Variants in ATP6V1G1 observed in about 807,000 individuals in gnomAD.
The protein encoded by ATP6V1G1 is V-type proton ATPase subunit G 1.
In ATP6V1G1, 14 loss-of-function variants were observed where a neutral mutation model predicts 14.2. The ratio of observed to expected loss-of-function variants is 0.99; its 90% CI spans 0.65 to 1.55. The LOEUF is 1.55. Among genes scored for constraint, ATP6V1G1 ranks in the 40% most tolerant of loss-of-function variants. The pLI is 0.00. For missense variants in ATP6V1G1, 137 were observed against 146.4 expected (o/e 0.94, Z 0.33); for synonymous variants, 65 against 53.3 (o/e 1.22, Z -0.96).
chr9:114,587,946 G>C lies in ATP6V1G1; in HGVS notation c.82+26G>C, dbSNP rs762275260. ...GTGAGTTTCAGGGTGGGGCTGCCCG[G>C]CGTGGCGCGAGTCGAAGAAAGACCG... On this transcript the variant is annotated intron_variant, in intron 1 of 2. Transcript: ENST00000374050. 3.9e-6 allele frequency: 6 copies of C among 1,555,920 alleles called. No homozygotes were observed. The East Asian group carries it at 1.4e-4, about 37-fold the overall frequency.
At chr9:114,592,442 G>C in intron 1 of ATP6V1G1, 110 bp from the exon 2 acceptor site, 1 of 1,081,238 alleles carries the variant, frequency 9.2e-7, no homozygotes, top group Non-Finnish European at 1.3e-6. Flanking sequence ...ACATCTCTTC[G>C]GACTGTGTCA....
At chr9:114,595,642 A>G (rs1027659299) in intron 2 of ATP6V1G1, among the ~76,000 whole-genome samples, 2 of 152,148 alleles carry the variant, frequency 1.3e-5, no homozygotes, top group Non-Finnish European at 2.9e-5. Flanking sequence ...CAACAGAGTG[A>G]GACTCCATCT....
At chr9:114,592,069 T>C (rs1225288479) in intron 1 of ATP6V1G1, among the ~76,000 whole-genome samples, 1 of 152,222 alleles carries the variant, frequency 6.6e-6, no homozygotes, top group Admixed American at 6.5e-5. Flanking sequence ...CTGCTTTTAG[T>C]TTCCAGTGTT....
chr9:114,591,819 T>TA (rs1015079512), intron 1 of ATP6V1G1, among the ~76,000 whole-genome samples: 1 of 152,088 alleles, frequency 6.6e-6, no homozygotes, highest in Non-Finnish European at 1.5e-5. Flanking sequence ...TTTTTTTTTT[T>TA]ATTGGTGAGC....
intron 1 of ATP6V1G1, among the ~76,000 whole-genome samples, chr9:114,588,426 C>T (rs1564273321): frequency 6.7e-6 from 1 of 150,192 alleles, no homozygotes; most frequent in East Asian, 2.1e-4. Flanking sequence ...CTGTAGTTGT[C>T]TAAATCGTTG....
In ATP6V1G1 at chr9:114,592,533, C is replaced by A. The variant is rs1280830669; in HGVS notation, c.83-19C>A. On this transcript the variant is annotated intron_variant, in intron 1 of 2. Transcript: ENST00000374050. ...TACTTTTAACCACTTCCTGATATAG[C>A]TCTCTCCTTTGAAAACAGGAAAGAA... The A allele has an allele frequency of 6.4e-6, 10 of 1,551,858 alleles. No individual in the cohort carries two copies. The highest frequency in any genetic ancestry group is 8.7e-6 in the Non-Finnish European group (10 of 1,147,912).
intron 1 of ATP6V1G1, among the ~76,000 whole-genome samples, 175 bp from the exon 2 acceptor site, chr9:114,592,377 A>G (rs977173876): frequency 6.6e-6 from 1 of 152,114 alleles, no homozygotes; most frequent in Non-Finnish European, 1.5e-5. Context: ...AGTACAGCCT[A>G]TAGGAGGGAG....
At chr9:114,591,508 C>T (rs1014070848) in intron 1 of ATP6V1G1, among the ~76,000 whole-genome samples, 1 of 152,134 alleles carries the variant, frequency 6.6e-6, no homozygotes, top group Non-Finnish European at 1.5e-5. Flanking sequence ...AGTAGTAGGC[C>T]AGAAATAATA....
chr9:114,587,955 GA>G (rs1845140599), intron 1 of ATP6V1G1, 35 bp downstream of exon 1: 2 of 1,552,728 alleles, frequency 1.3e-6, no homozygotes, highest in Admixed American at 2.0e-5. Flanking sequence ...GGCGTGGCGC[GA>G]GTCGAAGAAA....
At chr9:114,592,739 A>G in intron 2 of ATP6V1G1, 87 bp downstream of exon 2, 3 of 1,379,200 alleles carry the variant, frequency 2.2e-6, no homozygotes, top group Non-Finnish European at 3.0e-6. Context: ...TAGCTCAGAG[A>G]TCCTGGTCGA....
At chr9:114,591,165 C>T (rs1033385477) in intron 1 of ATP6V1G1, among the ~76,000 whole-genome samples, 1 of 152,154 alleles carries the variant, frequency 6.6e-6, no homozygotes, top group Non-Finnish European at 1.5e-5. Flanking sequence ...CACTGGCTCC[C>T]ATATGTAAGG....
At chr9:114,587,953 G>C (rs750513596) in intron 1 of ATP6V1G1, 33 bp downstream of exon 1, 3 of 1,553,222 alleles carry the variant, frequency 1.9e-6, no homozygotes, top group South Asian at 2.4e-5. Context: ...CCGGCGTGGC[G>C]CGAGTCGAAG....
At chr9:114,588,117 T>A in intron 1 of ATP6V1G1, 197 bp downstream of exon 1, 1 of 619,814 alleles carries the variant, frequency 1.6e-6, no homozygotes, top group South Asian at 2.0e-5. Flanking sequence ...CGATGTGAGA[T>A]GGTAAATTGG....
At chr9:114,594,358 C>T (rs529284801) in intron 2 of ATP6V1G1, among the ~76,000 whole-genome samples, 46 of 151,154 alleles carry the variant, frequency 3.0e-4, no homozygotes, top group South Asian at 2.3e-3. Context: ...TGTGAGCCAC[C>T]GCGCCCAGCG....
rs541460483 is a variant in ATP6V1G1 at position 114,598,473 on chromosome 9, C to T, written c.*730C>T. 2.6e-5 allele frequency: 4 copies of T among 152,542 alleles called. No individual in the cohort carries two copies. In the East Asian group the frequency reaches 7.7e-4, roughly 29 times the overall value. The allele number at this position is 152,542 out of a possible 1,614,324, so 9.4% of individuals were successfully genotyped here. On this transcript the variant is annotated 3_prime_UTR_variant, in exon 3 of 3. Transcript: ENST00000374050. ...ATTTTGACCCAGATGGTCTGCAGAA[C>T]TTCACTTAGGACATTAGCACACAAA...
intron 1 of ATP6V1G1, among the ~76,000 whole-genome samples, chr9:114,591,133 A>G (rs1392007006): frequency 6.6e-6 from 1 of 152,190 alleles, no homozygotes; most frequent in Non-Finnish European, 1.5e-5. Flanking sequence ...TTAATGGCAT[A>G]TTTCATTGGA....
chr9:114,596,808 T>G (rs1231579070), intron 2 of ATP6V1G1, among the ~76,000 whole-genome samples: 1 of 152,152 alleles, frequency 6.6e-6, no homozygotes, highest in Non-Finnish European at 1.5e-5. Flanking sequence ...TCTCCCCACA[T>G]TTAAAACCAC....
At chr9:114,597,282 G>A (rs997859034) in intron 2 of ATP6V1G1, among the ~76,000 whole-genome samples, 2 of 152,068 alleles carry the variant, frequency 1.3e-5, no homozygotes, top group African/African-American at 4.8e-5. Context: ...GAGCCACCGC[G>A]CCCGGCCTAT....
At chr9:114,590,486 G>T (rs1001097590) in intron 1 of ATP6V1G1, among the ~76,000 whole-genome samples, 1 of 151,930 alleles carries the variant, frequency 6.6e-6, no homozygotes, top group Admixed American at 6.6e-5. Flanking sequence ...TGTATTTTTA[G>T]TAGAGACAGT....
Sources: allele counts gnomAD v4.1 joint callset (sites outside exome capture counted in the v4.1 genomes callset), GRCh38; gene constraint gnomAD v4.1.1; transcripts MANE v1.5; gene names NCBI Gene and HGNC (gene_info 2026-07-23, HGNC 2026-07-21).